INSL6: variants seen among roughly 807,000 people sequenced by gnomAD.
INSL6 encodes insulin-like peptide INSL6.
Under a neutral mutation model 9.4 loss-of-function variants are expected in INSL6, and 16 were observed. That is an observed-to-expected ratio of 1.70 (90% confidence interval 1.15 to 2.59). The LOEUF is 2.59. Ranked by LOEUF, INSL6 falls within the 30% of genes most tolerant of loss-of-function variation. The pLI is 0.00. For synonymous variants in INSL6, 154 were observed against 96.9 expected, an observed-to-expected ratio of 1.59 and a Z score of -3.46; for missense variants, 391 against 257.3, an observed-to-expected ratio of 1.52 and a Z score of -3.56.
At position 5,154,511 on chromosome 9, in the gene INSL6, G is replaced by T. The variant is rs375100297; in HGVS notation, c.376+9668C>A. On this transcript the variant is annotated intron_variant, in intron 2 of 3. Transcript: ENST00000649639. ...ACTAAAGAGCTTCTGCACAGCAAAAGAAACTACCATCAGAGTGAACAGGCA... is the reference window on the plus strand; with the variant it reads ...ACTAAAGAGCTTCTGCACAGCAAAATAAACTACCATCAGAGTGAACAGGCA... Among the ~76,000 whole-genome samples the T allele has an allele frequency of 9.7e-4, 147 of 152,250 alleles. No homozygotes were observed. The East Asian group carries it at 0.011, about 11-fold the overall frequency.
intron 1 of INSL6, among the ~76,000 whole-genome samples, chr9:5,166,840 G>C (rs114876224): frequency 0.023 from 3,500 of 152,188 alleles, 154 homozygotes; most frequent in African/African-American, 0.081. Context: ...AACAATATGA[G>C]ATTTTAAAAT....
At chr9:5,084,345 A>G in the INSL6 span, among the ~76,000 whole-genome samples, 1 of 152,248 alleles carries the variant, frequency 6.6e-6, no homozygotes, top group Non-Finnish European at 1.5e-5. Context: ...AGATATTTGT[A>G]CTGCCTTACT....
At chr9:5,041,641 T>C in the INSL6 span, 8 of 503,116 alleles carry the variant, frequency 1.6e-5, no homozygotes, top group African/African-American at 9.9e-5. Flanking sequence ...TTTGAGAAGC[T>C]CGACTACGAC....
chr9:5,054,427 A>G, the INSL6 span: 2 of 655,308 alleles, frequency 3.1e-6, no homozygotes, highest in Admixed American at 2.9e-5. This position sits in a 1 kb window ranked among gnomAD's most constrained non-coding sequence, Gnocchi z 4.9. Flanking sequence ...GGTTATGTCA[A>G]CTTACGCCAC....
chr9:5,139,860 C>A (rs774510619), intron 2 of INSL6, among the ~76,000 whole-genome samples: 29 of 152,272 alleles, frequency 1.9e-4, no homozygotes, highest in Non-Finnish European at 2.8e-4. Context: ...AAATTTTAAT[C>A]ATTTAACAAA....
the INSL6 span, among the ~76,000 whole-genome samples, chr9:5,039,619 TAATA>T: frequency 6.6e-6 from 1 of 152,032 alleles, no homozygotes; most frequent in African/African-American, 2.4e-5. Context: ...CTATTAGAAC[TAATA>T]AATGAGCTCA....
chr9:5,093,313 G>A, the INSL6 span, among the ~76,000 whole-genome samples: 1 of 152,138 alleles, frequency 6.6e-6, no homozygotes, highest in African/African-American at 2.4e-5. Context: ...AGCATTACCA[G>A]TATTAGAGGC....
At chr9:5,067,581 A>C in the INSL6 span, among the ~76,000 whole-genome samples, 1 of 152,046 alleles carries the variant, frequency 6.6e-6, no homozygotes, top group Non-Finnish European at 1.5e-5. Context: ...AAAACTGGTA[A>C]TCTATCCTAA....
chr9:5,091,159 C>G, the INSL6 span: 1 of 304,646 alleles, frequency 3.3e-6, no homozygotes. Context: ...TTCTTCAAAA[C>G]TGTCTCCTAT....
chr9:5,142,876 C>G (rs1284239463), intron 2 of INSL6, among the ~76,000 whole-genome samples: 1 of 152,102 alleles, frequency 6.6e-6, no homozygotes, highest in Non-Finnish European at 1.5e-5. Flanking sequence ...ATATTCCTTT[C>G]AATACCTAGT....
chr9:5,044,253 C>G, the INSL6 span: 72 of 558,024 alleles, frequency 1.3e-4, no homozygotes, highest in Middle Eastern at 1.4e-3. Context: ...TCCACATATC[C>G]TTTTGTCTCA....
At position 5,180,294 on chromosome 9, in the gene INSL6, T is replaced by G. The variant is rs184141174; in HGVS notation, c.289+5020A>C. 7.1e-3 allele frequency among the ~76,000 whole-genome samples: 1,088 copies of G among 152,272 alleles called. 10 individuals carry two copies. Among genetic ancestry groups the G allele is most frequent in the African/African-American group, 0.025 (1,043 of 41,532 alleles). Reference sequence around the variant, plus strand: ...TACAAATTGATTGTAAAACGTGTGTTTGAACAATATGAAATCAGTGCACCT... The same window carrying G: ...TACAAATTGATTGTAAAACGTGTGTGTGAACAATATGAAATCAGTGCACCT... On this transcript the variant is annotated intron_variant, in intron 1 of 1. Coordinates refer to ENST00000381641, the MANE Select transcript of INSL6 (RefSeq NM_007179.3).
At chr9:5,086,247 A>T in the INSL6 span, 8 of 557,846 alleles carry the variant, frequency 1.4e-5, no homozygotes, top group South Asian at 4.5e-4. Flanking sequence ...TCGCGGTAGG[A>T]TGGTGGCTCC....
chr9:5,136,683 T>G (rs1030365405), intron 2 of INSL6, among the ~76,000 whole-genome samples: 1 of 152,154 alleles, frequency 6.6e-6, no homozygotes, highest in Non-Finnish European at 1.5e-5. Flanking sequence ...GGGCAAAAAC[T>G]GGAAGCATTC....
Position 5,185,393 on chromosome 9 carries a change from C to T in INSL6, c.210G>A (p.Glu70=). 5 of 1,614,186 alleles carry T rather than the reference C, an allele frequency of 3.1e-6. No individual in the cohort carries two copies. Among genetic ancestry groups the T allele is most frequent in the Non-Finnish European group, 4.2e-6 (5 of 1,180,036 alleles). ...GGTATGGGCTGTAGGCTTCGACCTT[C>T]TCCGAGGCCTGTGCAATCAACCGTG... The part of the protein sequence containing the change: ...PFSRLIAQAS[E]KVEAYSPYQF... Residue 70 remains glutamate (E), a synonymous_variant, in exon 1 of 2, where the codon GAG becomes GAA. Coordinates refer to ENST00000381641, the MANE Select transcript of INSL6 (RefSeq NM_007179.3).
At chr9:5,090,930 G>C in the INSL6 span, 1 of 1,510,618 alleles carries the variant, frequency 6.6e-7, no homozygotes, top group Non-Finnish European at 8.9e-7. Flanking sequence ...ATTTCAGTAT[G>C]ATAAATGAAA....
At chr9:5,084,623 T>G in the INSL6 span, among the ~76,000 whole-genome samples, 3 of 152,174 alleles carry the variant, frequency 2.0e-5, no homozygotes, top group Non-Finnish European at 4.4e-5. Flanking sequence ...CTATTTGAAA[T>G]CTAGAGTGTT....
the INSL6 span, among the ~76,000 whole-genome samples, chr9:5,116,142 A>C: frequency 9.9e-5 from 15 of 152,194 alleles, no homozygotes; most frequent in African/African-American, 3.6e-4. Context: ...TTTAATCCTC[A>C]TAACAACCCT....
chr9:5,066,628 A>G, the INSL6 span: 1 of 1,012,990 alleles, frequency 9.9e-7, no homozygotes, highest in Non-Finnish European at 1.6e-6. Flanking sequence ...CTTGGTCATA[A>G]TATTATGGTG....
Sources: allele counts gnomAD v4.1 joint callset (sites outside exome capture counted in the v4.1 genomes callset), GRCh38; gene constraint gnomAD v4.1.1; non-coding constraint Gnocchi (gnomAD v3.1); transcripts MANE v1.5; gene names NCBI Gene and HGNC (gene_info 2026-07-23, HGNC 2026-07-21).